The following TMED3 variants were observed in gnomAD, a reference collection of about 807,000 sequenced individuals.
The protein encoded by TMED3 is transmembrane emp24 domain-containing protein 3.
A neutral mutation model predicts 15.0 loss-of-function variants in TMED3; 9 were observed. That is an observed-to-expected ratio of 0.60 (90% CI 0.36 to 1.04). The LOEUF (loss-of-function observed/expected upper bound fraction) is 1.04, where lower values mean the gene tolerates loss of function less well. Among genes scored for constraint, TMED3 ranks in the 50% least tolerant of loss-of-function variants. The pLI, the probability that TMED3 is intolerant of heterozygous loss-of-function variation, is 0.01. For missense variants in TMED3, 267 were observed against 278.9 expected, an observed-to-expected ratio of 0.96 and a Z score of 0.30; for synonymous variants, 117 against 121.4, an observed-to-expected ratio of 0.96 and a Z score of 0.24.
At chr15:79,393,520 C>G (rs1893723512) in intron 2 of TMED3, among the ~76,000 whole-genome samples, 1 of 152,176 alleles carries the variant, frequency 6.6e-6, no homozygotes, top group Admixed American at 6.5e-5. Flanking sequence ...TGGAAGCTCA[C>G]TTCTGCCTGG....
At chr15:79,381,098 A>G (rs1156445671) in intron 2 of TMED3, among the ~76,000 whole-genome samples, 2 of 152,154 alleles carry the variant, frequency 1.3e-5, no homozygotes, top group Non-Finnish European at 1.5e-5. Flanking sequence ...CTGGAAATTG[A>G]TTCCCTTCCA....
intron 2 of TMED3, among the ~76,000 whole-genome samples, chr15:79,352,675 T>A (rs755137187): frequency 0.11 from 9,624 of 88,920 alleles, 451 homozygotes; most frequent in Middle Eastern, 0.16. Context: ...AAAAAAAAAA[T>A]ATATATATAT....
At chr15:79,386,424 T>C (rs1464075376) in intron 2 of TMED3, among the ~76,000 whole-genome samples, 1 of 152,228 alleles carries the variant, frequency 6.6e-6, no homozygotes, top group Admixed American at 6.5e-5. Context: ...TTTTATGTTA[T>C]TATATGCTAC....
chr15:79,353,878 T>C (rs1314662477), intron 2 of TMED3, among the ~76,000 whole-genome samples: 1 of 152,152 alleles, frequency 6.6e-6, no homozygotes, highest in Non-Finnish European at 1.5e-5. Context: ...TTCTTCCCAT[T>C]GTGTAGCTGT....
intron 2 of TMED3, among the ~76,000 whole-genome samples, chr15:79,367,111 C>G (rs1308880843): frequency 6.6e-6 from 1 of 152,136 alleles, no homozygotes; most frequent in East Asian, 1.9e-4. Context: ...GCTTTTTATT[C>G]TTCTTTCCGG....
chr15:79,410,715 T>C (rs1035307660), intron 2 of TMED3, among the ~76,000 whole-genome samples: 12 of 151,986 alleles, frequency 7.9e-5, no homozygotes, highest in African/African-American at 1.9e-4. Flanking sequence ...TATATATATA[T>C]ACATTCTCGT....
At chr15:79,372,410 C>G (rs1325824541) in intron 2 of TMED3, among the ~76,000 whole-genome samples, 1 of 152,218 alleles carries the variant, frequency 6.6e-6, no homozygotes, top group Non-Finnish European at 1.5e-5. Flanking sequence ...CCTCTCCTCT[C>G]CCTCCCTGTA....
chr15:79,393,068 AC>A (rs1893717001), intron 2 of TMED3, among the ~76,000 whole-genome samples: 1 of 151,910 alleles, frequency 6.6e-6, no homozygotes. Flanking sequence ...TTTCATTTTC[AC>A]CCAAGGTTTT....
At chr15:79,362,940 AAGAGGGAT>A (rs1893160337) in intron 2 of TMED3, among the ~76,000 whole-genome samples, 1 of 152,204 alleles carries the variant, frequency 6.6e-6, no homozygotes, top group African/African-American at 2.4e-5. Context: ...AAAAACAAAA[AAGAGGGAT>A]AAGATAATGT....
At chr15:79,322,893 C>T, downstream of TMED3, 1 of 985,332 alleles carries the variant, frequency 1.0e-6, no homozygotes, top group South Asian at 4.7e-5. Context: ...GAGCTTACTG[C>T]AGAGCATGGG....
chr15:79,331,995 G>A (rs1413261875), intron 2 of TMED3, among the ~76,000 whole-genome samples: 1 of 152,186 alleles, frequency 6.6e-6, no homozygotes, highest in African/African-American at 2.4e-5. Context: ...GGAGGCTGCT[G>A]TGTGCTATGA....
At chr15:79,343,728 CA>C (rs2058859384) in intron 2 of TMED3, among the ~76,000 whole-genome samples, 2 of 152,208 alleles carry the variant, frequency 1.3e-5, no homozygotes, top group Admixed American at 1.3e-4. Flanking sequence ...GGATGTGGGA[CA>C]GGCTCTTGGG....
intron 2 of TMED3, among the ~76,000 whole-genome samples, chr15:79,346,828 A>T (rs2141231599): frequency 1.3e-5 from 2 of 152,196 alleles, no homozygotes; most frequent in South Asian, 4.1e-4. Context: ...TGATAGTTGT[A>T]TGTGTGTGGC....
chr15:79,373,170 A>G (rs908276756), intron 2 of TMED3, among the ~76,000 whole-genome samples: 2 of 152,194 alleles, frequency 1.3e-5, no homozygotes, highest in African/African-American at 4.8e-5. Flanking sequence ...GTGTTTTATA[A>G]ACACCACTAA....
intron 1 of TMED3, 40 bp downstream of exon 1, chr15:79,311,457 C>A: frequency 6.3e-7 from 1 of 1,575,136 alleles, no homozygotes; most frequent in South Asian, 1.2e-5. Context: ...TCTCCCTCCA[C>A]TCCCAGGTCT....
At chr15:79,390,872 A>C (rs967282474) in intron 2 of TMED3, among the ~76,000 whole-genome samples, 27 of 152,052 alleles carry the variant, frequency 1.8e-4, no homozygotes, top group Admixed American at 1.6e-3. Context: ...ATGTACATAA[A>C]GGTGTTCATA....
intron 2 of TMED3, among the ~76,000 whole-genome samples, chr15:79,332,569 A>G (rs17178444): frequency 0.18 from 27,484 of 152,236 alleles, 2,472 homozygotes; most frequent in Admixed American, 0.24. Flanking sequence ...TATTGCCATC[A>G]GGAAGATGTT....
chr15:79,317,254 C>G (rs1292488703), intron 2 of TMED3, among the ~76,000 whole-genome samples: 2 of 152,228 alleles, frequency 1.3e-5, no homozygotes, highest in Non-Finnish European at 2.9e-5. Flanking sequence ...GGATCTAGGC[C>G]TTTAAAGTGA....
chr15:79,367,042 G>A (rs767855971), intron 2 of TMED3, among the ~76,000 whole-genome samples: 1 of 152,118 alleles, frequency 6.6e-6, no homozygotes, highest in Non-Finnish European at 1.5e-5. Flanking sequence ...ACCTCAAGTG[G>A]AGCTGATTAT....
Sources: gnomAD v4.1 joint callset for allele counts (sites outside exome capture counted in the v4.1 genomes callset) on GRCh38, gnomAD v4.1.1 for gene constraint, MANE v1.5 for transcripts, NCBI Gene and HGNC (gene_info 2026-07-23, HGNC 2026-07-21) for gene names.